RARB: variants seen among roughly 807,000 people sequenced by gnomAD.
RARB encodes the protein retinoic acid receptor beta, also known as HBV-activated protein.
A neutral mutation model predicts 51.9 loss-of-function variants in RARB; 17 were observed. The observed-to-expected ratio is 0.33, with a 90% CI of 0.22 to 0.49. RARB has a LOEUF of 0.49. RARB is among the 20% of genes least tolerant of loss of function. The probability of loss-of-function intolerance (pLI) is 0.99; values close to 1 mark genes in which losing one functional copy is unlikely to be tolerated. For missense variants in RARB, 369 were observed against 550.8 expected (o/e 0.67, Z 3.30); for synonymous variants, 215 against 195.4 (o/e 1.10, Z -0.84).
intron 3 of RARB, among the ~76,000 whole-genome samples, chr3:25,114,795 G>C (rs1378201883): frequency 6.6e-6 from 1 of 152,088 alleles, no homozygotes; most frequent in Non-Finnish European, 1.5e-5. Context: ...AATGATGGTT[G>C]GCAGCTTAAA....
chr3:25,450,882 C>A (rs193242037), intron 1 of RARB, among the ~76,000 whole-genome samples: 2 of 152,068 alleles, frequency 1.3e-5, no homozygotes, highest in African/African-American at 4.8e-5. Context: ...GTCAGGAGTT[C>A]GAGACGAGCC....
intron 1 of RARB, among the ~76,000 whole-genome samples, chr3:24,835,614 G>A (rs1440166792): frequency 1.3e-5 from 2 of 152,140 alleles, no homozygotes; most frequent in Admixed American, 6.5e-5. Flanking sequence ...CTGGAACAAA[G>A]GTTGCAGAAC....
chr3:24,943,685 T>C (rs1695716918), intron 2 of RARB, among the ~76,000 whole-genome samples: 1 of 152,212 alleles, frequency 6.6e-6, no homozygotes, highest in South Asian at 2.1e-4. Context: ...GATGGAATAT[T>C]GTGTCAGAAT....
intron 3 of RARB, among the ~76,000 whole-genome samples, chr3:25,566,759 G>C (rs1189142146): frequency 6.6e-6 from 1 of 152,246 alleles, no homozygotes; most frequent in Non-Finnish European, 1.5e-5. Context: ...CTTAGGAGCA[G>C]ACACAGGTCC....
intron 3 of RARB, among the ~76,000 whole-genome samples, chr3:25,554,394 C>A (rs1699969452): frequency 6.6e-6 from 1 of 151,970 alleles, no homozygotes; most frequent in African/African-American, 2.4e-5. Context: ...ATAGGTTAAA[C>A]CCGGCCCACT....
At chr3:25,366,151 ATT>A (rs1706112770) in intron 5 of RARB, among the ~76,000 whole-genome samples, 1 of 152,092 alleles carries the variant, frequency 6.6e-6, no homozygotes, top group Non-Finnish European at 1.5e-5. Context: ...CTTCACATCC[ATT>A]TTCTTCAGTA....
intron 5 of RARB, among the ~76,000 whole-genome samples, chr3:25,246,221 A>C (rs898489774): frequency 1.3e-5 from 2 of 152,084 alleles, no homozygotes; most frequent in African/African-American, 4.8e-5. Flanking sequence ...CAGTACTTCT[A>C]ACATTTTTTC....
intron 2 of RARB, among the ~76,000 whole-genome samples, chr3:24,889,675 A>AGTGTGTGTGTGT (rs71057686): frequency 0.11 from 15,423 of 142,698 alleles, 945 homozygotes; most frequent in East Asian, 0.16. Flanking sequence ...CACCTCTTAA[A>AGTGTGTGTGTGT]GTGTGTGTGT....
chr3:25,522,659 C>T (rs1299819724), intron 3 of RARB, among the ~76,000 whole-genome samples: 3 of 152,088 alleles, frequency 2.0e-5, no homozygotes, highest in Admixed American at 6.5e-5. Flanking sequence ...AGACAGAGAA[C>T]ACTGGAAAGG....
intron 5 of RARB, among the ~76,000 whole-genome samples, chr3:25,212,446 C>T (rs995313451): frequency 3.3e-5 from 5 of 152,212 alleles, no homozygotes; most frequent in African/African-American, 1.2e-4. Flanking sequence ...AGTGAAACTC[C>T]TTCTCTACTA....
chr3:25,376,432 G>T (rs1479809534), intron 5 of RARB, among the ~76,000 whole-genome samples: 1 of 152,166 alleles, frequency 6.6e-6, no homozygotes, highest in Non-Finnish European at 1.5e-5. Context: ...GTAATTACCA[G>T]TCTTTATGGC....
intron 5 of RARB, among the ~76,000 whole-genome samples, chr3:25,225,655 A>G (rs142721874): frequency 1.1e-3 from 166 of 152,322 alleles, no homozygotes; most frequent in African/African-American, 3.8e-3. Context: ...AAATGTTAAA[A>G]GTGAGAGAGA....
At chr3:25,449,743 T>C (rs1282625270) in intron 1 of RARB, among the ~76,000 whole-genome samples, 1 of 143,072 alleles carries the variant, frequency 7.0e-6, no homozygotes, top group East Asian at 2.2e-4. Context: ...ACTAGCAATC[T>C]CTTTCTCTCT....
chr3:25,183,667 T>A (rs1478522075), intron 5 of RARB, among the ~76,000 whole-genome samples: 1 of 152,168 alleles, frequency 6.6e-6, no homozygotes, highest in African/African-American at 2.4e-5. Flanking sequence ...TGGCTTATCT[T>A]CTAGTCTCTC....
At chr3:25,164,132 C>A (rs149016303) in intron 4 of RARB, among the ~76,000 whole-genome samples, 1 of 152,224 alleles carries the variant, frequency 6.6e-6, no homozygotes, top group Non-Finnish European at 1.5e-5. Flanking sequence ...ACAGTCTGGC[C>A]ACTGGGGAGA....
At chr3:25,095,713 T>A (rs1172260448) in intron 3 of RARB, among the ~76,000 whole-genome samples, 1 of 151,958 alleles carries the variant, frequency 6.6e-6, no homozygotes, top group Non-Finnish European at 1.5e-5. Flanking sequence ...TTTCTGGGGG[T>A]GGCCAGAGTA....
At chr3:25,526,510 T>C (rs1698655932) in intron 3 of RARB, among the ~76,000 whole-genome samples, 1 of 152,172 alleles carries the variant, frequency 6.6e-6, no homozygotes, top group Admixed American at 6.5e-5. Context: ...AGCATAATGA[T>C]GGCTTGGACT....
intron 3 of RARB, among the ~76,000 whole-genome samples, chr3:25,129,120 T>A (rs1256383956): frequency 1.3e-5 from 2 of 152,120 alleles, no homozygotes; most frequent in Non-Finnish European, 2.9e-5. Flanking sequence ...TTTTCTTTTT[T>A]AAATCATTAG....
intron 5 of RARB, among the ~76,000 whole-genome samples, chr3:25,348,562 C>A (rs1705467698): frequency 6.6e-6 from 1 of 151,946 alleles, no homozygotes; most frequent in Non-Finnish European, 1.5e-5. Flanking sequence ...ATACTGCAAG[C>A]TGAAAGTGAA....
Sources: gnomAD v4.1 joint callset for allele counts (sites outside exome capture counted in the v4.1 genomes callset) on GRCh38, gnomAD v4.1.1 for gene constraint, MANE v1.5 for transcripts, NCBI Gene and HGNC (gene_info 2026-07-23, HGNC 2026-07-21) for gene names.